OTUD4: variants seen among roughly 807,000 people sequenced by gnomAD.
OTUD4 encodes the protein OTU deubiquitinase 4, also known as OTU domain-containing protein 4.
OTUD4 carries 24 observed loss-of-function variants against 130.4 expected under a neutral mutation model. The observed-to-expected ratio is 0.18, with a 90% CI of 0.13 to 0.26. The LOEUF is 0.26. OTUD4 is among the 10% of genes least tolerant of loss of function. OTUD4 has a pLI of 1.00. For missense variants in OTUD4, 1,031 were observed against 1,329.4 expected, an observed-to-expected ratio of 0.78 and a Z score of 3.49; for synonymous variants, 420 against 472.5, an observed-to-expected ratio of 0.89 and a Z score of 1.44.
rs568008811 is a variant in OTUD4 at position 145,165,688 on chromosome 4, G to A, written c.295-491C>T. 5.0e-4 allele frequency among the ~76,000 whole-genome samples: 76 copies of A among 152,034 alleles called. 1 individual carries two copies. The South Asian group carries it at 0.016, about 32-fold the overall frequency. ...GACGGGGTTTCTCTATGTTGGTCAG[G>A]CTGGTCTCAACTACTGACCTCAGGT... is the stretch of plus-strand genomic sequence containing the variant. On this transcript the variant is annotated intron_variant, in intron 3 of 20. Transcript: ENST00000447906.
chr4:145,150,600 G>A lies in OTUD4; in HGVS notation c.1172C>T (p.Ala391Val), dbSNP rs199880420. ...LQHPSGVRQH[A>V]FSSHSSGSQS... is the part of the protein sequence containing the mutation. Reference sequence around the variant, plus strand: ...TGACCCTGAAGAATGACTAGAGAACGCATGTTGTCTTACTCCTGAAGGATG... The same window carrying A: ...TGACCCTGAAGAATGACTAGAGAACACATGTTGTCTTACTCCTGAAGGATG... The change falls in exon 13 of 21, where the codon GCG (alanine) becomes GTG (valine). Residue 391 changes from alanine (A) to valine (V), a missense_variant. Ala to Val is a moderately conservative substitution (Grantham distance 64, BLOSUM62 0). Coordinates refer to ENST00000447906, the MANE Select transcript of OTUD4 (RefSeq NM_001366057.1). The A allele has an allele frequency of 7.4e-6, 12 of 1,612,790 alleles. No homozygotes were observed. The highest frequency in any genetic ancestry group is 2.2e-5 in the East Asian group (1 of 44,878).
intron 7 of OTUD4, among the ~76,000 whole-genome samples, chr4:145,158,942 C>T (rs1466860740): frequency 6.6e-6 from 1 of 152,174 alleles, no homozygotes; most frequent in African/African-American, 2.4e-5. Flanking sequence ...GAAACCAGAG[C>T]CCAACCTCTT....
rs369626183 is a variant in OTUD4 at position 145,143,434 on chromosome 4, A to T, written c.1614T>A (p.Asp538Glu). 46 of 1,606,206 alleles carry T rather than the reference A, an allele frequency of 2.9e-5. No homozygotes were observed. In the South Asian group the frequency reaches 3.1e-4, roughly 11 times the overall value. The change falls in exon 17 of 21, where the codon GAT becomes GAA. Residue 538 changes from aspartate (D) to glutamate (E), a missense_variant. Asp to Glu is a conservative substitution (Grantham distance 45). Around this residue, in one of 3 missense-constraint regions of OTUD4, gnomAD observed 900 missense variants for 1,095.9 expected, o/e 0.82. Transcript: ENST00000447906. ...GTGATGAAACTGTTGCATATTTATCATCAGTAATATTCTTTGGAAGCAAAA... is the reference window on the plus strand; with the variant it reads ...GTGATGAAACTGTTGCATATTTATCTTCAGTAATATTCTTTGGAAGCAAAA... ...PEPSTLENIT[D>E]DKYATVSSPS...
At chr4:145,139,192 A>G (rs1318279950) in intron 20 of OTUD4, among the ~76,000 whole-genome samples, 1 of 152,230 alleles carries the variant, frequency 6.6e-6, no homozygotes, top group Non-Finnish European at 1.5e-5. Flanking sequence ...AAATATGAAG[A>G]AAGTATAACC....
At chr4:145,138,769 A>C (rs1188838850) in intron 20 of OTUD4, 119 bp from the exon 21 acceptor site, 1 of 784,900 alleles carries the variant, frequency 1.3e-6, no homozygotes, top group East Asian at 2.6e-5. Context: ...AAGACCATAT[A>C]ATCTATAGTC....
At chr4:145,141,002 A>T (rs941613705) in intron 19 of OTUD4, among the ~76,000 whole-genome samples, 1 of 150,260 alleles carries the variant, frequency 6.7e-6, no homozygotes, top group Non-Finnish European at 1.5e-5. Flanking sequence ...CGTCTCTACT[A>T]AAAAATACAA....
At chr4:145,145,055 G>T (rs1414450260) in intron 14 of OTUD4, among the ~76,000 whole-genome samples, 1 of 152,074 alleles carries the variant, frequency 6.6e-6, no homozygotes, top group Non-Finnish European at 1.5e-5. Context: ...ACAAATCTGA[G>T]CCACTATCAA....
chr4:145,138,125 A>G lies in OTUD4; in HGVS notation c.2650T>C (p.Ser884Pro). ...PVMRQNIVLP[S>P]DEKGELDLSL... Reference sequence around the variant, plus strand: ...AGATCCAATTCTCCTTTTTCATCAGAGGGCAGGACAATATTCTGCCTCATT... The same window carrying G: ...AGATCCAATTCTCCTTTTTCATCAGGGGGCAGGACAATATTCTGCCTCATT... The change falls in exon 21 of 21, where the codon TCT (serine) becomes CCT (proline). Residue 884 changes from serine to proline, a missense_variant. Physicochemically the swap from Ser to Pro is moderately conservative, Grantham distance 74 (BLOSUM62 -1). Around this residue, in one of 3 missense-constraint regions of OTUD4, gnomAD observed 900 missense variants for 1,095.9 expected, o/e 0.82. Transcript: ENST00000447906. 1 of 1,613,944 alleles carries G rather than the reference A, an allele frequency of 6.2e-7. No individual in the cohort carries two copies. The highest frequency in any genetic ancestry group is 8.5e-7 in the Non-Finnish European group (1 of 1,179,818).
intron 11 of OTUD4, among the ~76,000 whole-genome samples, 179 bp downstream of exon 11, chr4:145,152,362 C>T (rs905369527): frequency 1.1e-4 from 16 of 152,180 alleles, no homozygotes; most frequent in East Asian, 7.7e-4. Context: ...CCACCCATCT[C>T]GGCCTCCCAA....
chr4:145,175,948 C>A (rs1443130594), intron 1 of OTUD4, among the ~76,000 whole-genome samples: 1 of 152,124 alleles, frequency 6.6e-6, no homozygotes, highest in Non-Finnish European at 1.5e-5. Flanking sequence ...CTCACCGCAA[C>A]CTCCGCCTCA....
chr4:145,156,161 T>C (rs1256611124), intron 7 of OTUD4, among the ~76,000 whole-genome samples, 165 bp from the exon 8 acceptor site: 1 of 152,160 alleles, frequency 6.6e-6, no homozygotes, highest in Non-Finnish European at 1.5e-5. Flanking sequence ...TATAAAAGGG[T>C]ATATGTATGT....
chr4:145,169,312 A>G (rs1306577691), intron 3 of OTUD4, among the ~76,000 whole-genome samples: 2 of 152,206 alleles, frequency 1.3e-5, no homozygotes, highest in Non-Finnish European at 2.9e-5. Flanking sequence ...GCTGACAAAA[A>G]CATATTCTCG....
intron 7 of OTUD4, among the ~76,000 whole-genome samples, chr4:145,157,325 G>A (rs1195896980): frequency 1.3e-5 from 2 of 152,152 alleles, no homozygotes; most frequent in African/African-American, 4.8e-5. Context: ...AAGACCAGGT[G>A]GAGATAATTG....
chr4:145,161,226 A>G (rs964308047), intron 6 of OTUD4, among the ~76,000 whole-genome samples: 1 of 152,150 alleles, frequency 6.6e-6, no homozygotes, highest in Non-Finnish European at 1.5e-5. Context: ...CAGTAACAGG[A>G]GTTGCAGCCC....
chr4:145,143,908 GA>G, intron 16 of OTUD4, 37 bp downstream of exon 16: 1 of 1,521,854 alleles, frequency 6.6e-7, no homozygotes, highest in Non-Finnish European at 9.1e-7. Flanking sequence ...CAGTATTAAG[GA>G]AAAAGAAAAG....
chr4:145,156,040 G>A lies in OTUD4; in HGVS notation c.630-44C>T, dbSNP rs772467318. ...ATAATTGGGGCAGAAAAAGGTATTTGCACGTAATTACCTTCTAACCTCATC... is the reference window on the plus strand; with the variant it reads ...ATAATTGGGGCAGAAAAAGGTATTTACACGTAATTACCTTCTAACCTCATC... On this transcript the variant is annotated intron_variant, in intron 7 of 20. Transcript: ENST00000447906. 5.4e-6 allele frequency: 8 copies of A among 1,469,940 alleles called. No homozygotes were observed. The East Asian group carries it at 1.6e-4, about 29-fold the overall frequency. The allele number at this position is 1,469,940 out of a possible 1,614,324, so 91.1% of individuals were successfully genotyped here. A position where few individuals can be genotyped will look rare whatever the true frequency, so the allele number is the denominator to read the frequency against.
At chr4:145,143,275 T>C in intron 17 of OTUD4, 90 bp downstream of exon 17, 3 of 713,318 alleles carry the variant, frequency 4.2e-6, no homozygotes, top group Non-Finnish European at 7.0e-6. Flanking sequence ...TTTCCCATAC[T>C]GATGTTTTCT....
rs1752179592 is a variant in OTUD4 at position 145,171,751 on chromosome 4, T to G, written c.244-31A>C. 4.2e-6 allele frequency: 4 copies of G among 963,592 alleles called. No homozygotes were observed. The East Asian group carries it at 9.6e-5, about 23-fold the overall frequency. The allele number at this position is 963,592 out of a possible 1,614,324, so 59.7% of individuals were successfully genotyped here. ...AAAAATAAATCTATTAGAAATGTCATCTAACATATATGCCAAAACAGTTAA... is the reference window on the plus strand; with the variant it reads ...AAAAATAAATCTATTAGAAATGTCAGCTAACATATATGCCAAAACAGTTAA... On this transcript the variant is annotated intron_variant, in intron 2 of 20. Transcript: ENST00000447906.
chr4:145,136,253 T>C lies in OTUD4; in HGVS notation c.*1177A>G, dbSNP rs1412888384. The C allele has an allele frequency of 6.6e-6, 1 of 152,514 alleles. No individual in the cohort carries two copies. Among genetic ancestry groups the C allele is most frequent in the Admixed American group, 6.6e-5 (1 of 15,264 alleles). 9.4% of individuals were successfully genotyped at this position (152,514 alleles called of 1,614,324 possible). A position where few individuals can be genotyped will look rare whatever the true frequency, so the allele number is the denominator to read the frequency against. The stretch of plus-strand genomic sequence containing the variant: ...TGCAACATGCAAAGGGAACCTCTAG[T>C]GAATACTGCAAAGACTGGAAGAAAA... On this transcript the variant is annotated 3_prime_UTR_variant, in exon 21 of 21. Coordinates refer to ENST00000447906, the MANE Select transcript of OTUD4 (RefSeq NM_001366057.1).
Sources: gnomAD v4.1 joint callset for allele counts (sites outside exome capture counted in the v4.1 genomes callset) on GRCh38, gnomAD v4.1.1 for gene constraint, gnomAD v4.1.1 regional missense constraint, MANE v1.5 for transcripts, NCBI Gene and HGNC (gene_info 2026-07-23, HGNC 2026-07-21) for gene names.